PFKFB3: variants seen among roughly 807,000 people sequenced by gnomAD.
The protein encoded by PFKFB3 is 6-phosphofructo-2-kinase/fructose-2,6-bisphosphatase 3.
In PFKFB3, 33 loss-of-function variants were observed where a neutral mutation model predicts 68.0. That is an observed-to-expected ratio of 0.49 (90% CI 0.37 to 0.65). The LOEUF (loss-of-function observed/expected upper bound fraction) is 0.65, where lower values mean the gene tolerates loss of function less well. PFKFB3 is among the 30% of genes least tolerant of loss of function. The pLI is 0.00. For missense variants in PFKFB3, 586 were observed against 712.2 expected (o/e 0.82, Z 2.02); for synonymous variants, 315 against 288.2 (o/e 1.09, Z -0.94).
the PFKFB3 span, among the ~76,000 whole-genome samples, chr10:6,314,041 G>A: frequency 4.6e-5 from 7 of 152,192 alleles, no homozygotes; most frequent in African/African-American, 1.2e-4. Flanking sequence ...ACTGTGCAGC[G>A]TCCCTTGACA....
chr10:6,146,375 A>G (rs7074082), intron 1 of PFKFB3: 331,860 of 1,534,824 alleles, frequency 0.22, 39,468 homozygotes, highest in East Asian at 0.51. Context: ...GTTGGGGTAG[A>G]GAGATGGGGG....
chr10:6,222,071 T>C (rs1275516708), intron 10 of PFKFB3, among the ~76,000 whole-genome samples: 1 of 152,124 alleles, frequency 6.6e-6, no homozygotes, highest in Non-Finnish European at 1.5e-5. Context: ...GCGTCTGTGC[T>C]TCCCCGTGCA....
chr10:6,148,834 T>G (rs868065068), intron 1 of PFKFB3, among the ~76,000 whole-genome samples: 7 of 151,912 alleles, frequency 4.6e-5, no homozygotes, highest in Middle Eastern at 3.4e-3. Flanking sequence ...TCCCAGCACT[T>G]TGGGAGGCCG....
intron 14 of PFKFB3, among the ~76,000 whole-genome samples, chr10:6,246,054 C>T (rs1425122689): frequency 2.0e-5 from 3 of 152,200 alleles, no homozygotes; most frequent in Non-Finnish European, 2.9e-5. Flanking sequence ...TCCCTTTAGC[C>T]TCCCACTTCC....
the PFKFB3 span, among the ~76,000 whole-genome samples, chr10:6,288,408 G>A: frequency 5.3e-5 from 7 of 131,466 alleles, no homozygotes; most frequent in African/African-American, 2.1e-4. Flanking sequence ...CTGTGTCCAT[G>A]TGTTCTCATT....
intron 14 of PFKFB3, among the ~76,000 whole-genome samples, chr10:6,232,261 C>CG (rs929936902): frequency 5.1e-5 from 3 of 58,804 alleles, no homozygotes; most frequent in Admixed American, 2.0e-4. Flanking sequence ...GGGTGGGTGG[C>CG]GGGGGGGTTT....
chr10:6,193,866 C>A (rs922357312), intron 1 of PFKFB3, among the ~76,000 whole-genome samples: 1 of 152,156 alleles, frequency 6.6e-6, no homozygotes, highest in Non-Finnish European at 1.5e-5. Flanking sequence ...GTACATTGAT[C>A]AGTTAGGTTG....
At chr10:6,206,708 C>T (rs1212536860) in intron 1 of PFKFB3, among the ~76,000 whole-genome samples, 1 of 151,180 alleles carries the variant, frequency 6.6e-6, no homozygotes, top group Non-Finnish European at 1.5e-5. Context: ...CAGAGATGCT[C>T]CTCACTGCCT....
intron 8 of PFKFB3, 21 bp from the exon 9 acceptor site, chr10:6,221,360 T>C (rs1564634340): frequency 6.2e-7 from 1 of 1,612,822 alleles, no homozygotes; most frequent in Admixed American, 1.7e-5. Context: ...GAATCAGTGG[T>C]CCCCCTCCAC....
Position 6,209,444 on chromosome 10 carries a change from C to G in PFKFB3, c.77-4179C>G, listed in dbSNP as rs11257289. ...TAAAATGAAATGAGACACAAATACT[C>G]TTTGGAAAATCTTGTGTTAAACTCA... is the stretch of plus-strand genomic sequence containing the variant. On this transcript the variant is annotated intron_variant, in intron 1 of 14. Coordinates refer to ENST00000379775, the MANE Select transcript of PFKFB3 (RefSeq NM_004566.4). 9.1e-3 allele frequency among the ~76,000 whole-genome samples: 1,383 copies of G among 152,046 alleles called. 31 individuals are homozygous for G. The highest frequency in any genetic ancestry group is 0.084 in the East Asian group (436 of 5,182).
At chr10:6,169,683 A>T (rs944456910) in intron 1 of PFKFB3, among the ~76,000 whole-genome samples, 3 of 152,136 alleles carry the variant, frequency 2.0e-5, no homozygotes, top group African/African-American at 7.2e-5. Context: ...AGAGGCTTAC[A>T]AACATGTGGA....
intron 9 of PFKFB3, 28 bp from the exon 10 acceptor site, chr10:6,221,613 C>A (rs755117744): frequency 4.4e-6 from 7 of 1,608,810 alleles, no homozygotes; most frequent in Non-Finnish European, 5.9e-6. Flanking sequence ...GTGGTTTGTT[C>A]CCCTGAGTGA....
the PFKFB3 span, among the ~76,000 whole-genome samples, chr10:6,283,767 C>T: frequency 3.9e-5 from 6 of 152,180 alleles, no homozygotes; most frequent in South Asian, 4.1e-4. Context: ...CGTGCAACCA[C>T]GGGTGGAACC....
At chr10:6,192,539 G>T (rs1462098931) in intron 1 of PFKFB3, among the ~76,000 whole-genome samples, 2 of 152,128 alleles carry the variant, frequency 1.3e-5, no homozygotes, top group Admixed American at 1.3e-4. Flanking sequence ...GCCTTGCCTG[G>T]CCCCTGCGGG....
At chr10:6,262,384 G>GAA in the PFKFB3 span, among the ~76,000 whole-genome samples, 15 of 148,846 alleles carry the variant, frequency 1.0e-4, no homozygotes, top group Non-Finnish European at 2.2e-4. Context: ...AACCCTGGGG[G>GAA]GCGGAGCCTG....
At chr10:6,221,793 C>A in intron 10 of PFKFB3, 48 bp downstream of exon 10, 1 of 1,320,664 alleles carries the variant, frequency 7.6e-7, no homozygotes, top group Non-Finnish European at 1.1e-6. Flanking sequence ...CACATGACCA[C>A]TGCTGTGCAG....
intron 10 of PFKFB3, among the ~76,000 whole-genome samples, chr10:6,222,092 G>C (rs537570391): frequency 2.0e-5 from 3 of 152,124 alleles, no homozygotes; most frequent in Non-Finnish European, 4.4e-5. Flanking sequence ...CGGTGCCCGG[G>C]TGGCTGTGGC....
the PFKFB3 span, among the ~76,000 whole-genome samples, chr10:6,320,390 A>G: frequency 6.6e-6 from 1 of 152,136 alleles, no homozygotes; most frequent in Non-Finnish European, 1.5e-5. Context: ...GAGAAAATCC[A>G]GAGGTTGGGC....
chr10:6,226,082 A>G (rs1845328480), intron 13 of PFKFB3, 110 bp from the exon 14 acceptor site: 2 of 963,906 alleles, frequency 2.1e-6, no homozygotes, highest in Non-Finnish European at 3.1e-6. Context: ...CCCCTCGGTC[A>G]GTCTTTTTGC....
Sources: allele counts gnomAD v4.1 joint callset (sites outside exome capture counted in the v4.1 genomes callset), GRCh38; gene constraint gnomAD v4.1.1; transcripts MANE v1.5; gene names NCBI Gene and HGNC (gene_info 2026-07-23, HGNC 2026-07-21).